CACNA1B: variants seen among roughly 807,000 people sequenced by gnomAD.
The protein encoded by CACNA1B is calcium voltage-gated channel subunit alpha1 B.
A neutral mutation model predicts 247.2 loss-of-function variants in CACNA1B; 70 were observed. The observed-to-expected ratio is 0.28, with a 90% CI of 0.23 to 0.35. The LOEUF (loss-of-function observed/expected upper bound fraction) is 0.35, where lower values mean the gene tolerates loss of function less well. Ranked by LOEUF, CACNA1B falls within the 10% of genes least tolerant of loss-of-function variation. The pLI, the probability that CACNA1B is intolerant of heterozygous loss-of-function variation, is 1.00. For missense variants in CACNA1B, 2,367 were observed against 3,197.4 expected (o/e 0.74, Z 6.26); for synonymous variants, 1,231 against 1,294.4 (o/e 0.95, Z 1.05).
intron 37 of CACNA1B, among the ~76,000 whole-genome samples, chr9:138,101,777 TC>T (rs1271663664): frequency 6.6e-6 from 1 of 152,208 alleles, no homozygotes; most frequent in Non-Finnish European, 1.5e-5. Context: ...CCAGGGCAGA[TC>T]CATCTGCCAG....
Position 137,986,303 on chromosome 9 carries a change from G to T in CACNA1B, c.1770-110G>T, listed in dbSNP as rs1958360805. 7 of 1,208,056 alleles carry T rather than the reference G, an allele frequency of 5.8e-6. No individual in the cohort carries two copies. Among genetic ancestry groups the T allele is most frequent in the Non-Finnish European group, 8.2e-6 (7 of 857,094 alleles). The allele number at this position is 1,208,056 out of a possible 1,614,324, so 74.8% of individuals were successfully genotyped here. A position where few individuals can be genotyped will look rare whatever the true frequency, so the allele number is the denominator to read the frequency against. On this transcript the variant is annotated intron_variant, in intron 13 of 46. Transcript: ENST00000371372. The surrounding 1 kb of genome is among the most constrained non-coding windows in gnomAD (Gnocchi z 6.0). ...AAGCTCTAACTTCACACCTAGGTGT[G>T]CAGCCCTCAGGGTTTAGAAAGTCAG...
intron 6 of CACNA1B, among the ~76,000 whole-genome samples, chr9:137,940,644 T>A (rs984120277): frequency 6.6e-6 from 1 of 152,204 alleles, no homozygotes; most frequent in Non-Finnish European, 1.5e-5. Context: ...ATATCCCTGA[T>A]GAACATAGAT....
intron 3 of CACNA1B, among the ~76,000 whole-genome samples, chr9:137,884,967 C>CCG (rs1554919687): frequency 1.2e-5 from 1 of 84,792 alleles, no homozygotes; most frequent in Non-Finnish European, 2.7e-5. Flanking sequence ...TCCCCCCCCC[C>CCG]CTCCTCCCAC....
chr9:138,068,464 A>G (rs1960006496), intron 31 of CACNA1B: 1 of 331,540 alleles, frequency 3.0e-6, no homozygotes. Context: ...AAAATCAGAA[A>G]AGTTGAGTCC....
intron 23 of CACNA1B, among the ~76,000 whole-genome samples, chr9:138,048,362 T>G (rs1263741894): frequency 6.6e-6 from 1 of 152,148 alleles, no homozygotes; most frequent in East Asian, 1.9e-4. Flanking sequence ...GGGCCATGTG[T>G]ACCTACAGCC....
intron 15 of CACNA1B, among the ~76,000 whole-genome samples, chr9:137,995,860 A>G (rs568680853): frequency 6.6e-6 from 1 of 152,366 alleles, no homozygotes; most frequent in East Asian, 1.9e-4. Flanking sequence ...AAAGAGGGCT[A>G]AGGACATGAA....
At chr9:137,898,630 C>T (rs899472484) in intron 3 of CACNA1B, among the ~76,000 whole-genome samples, 11 of 151,936 alleles carry the variant, frequency 7.2e-5, no homozygotes, top group East Asian at 5.8e-4. Context: ...CTCAGCCTCC[C>T]GAGTAGCTGG....
At position 137,891,699 on chromosome 9, in the gene CACNA1B, C is replaced by T. The variant is rs562201529; in HGVS notation, c.530+8816C>T. 18 of 251,130 alleles carry T rather than the reference C, an allele frequency of 7.2e-5. No homozygotes were observed. Among genetic ancestry groups the T allele is most frequent in the East Asian group, 7.0e-4 (6 of 8,528 alleles). The allele number at this position is 251,130 out of a possible 1,614,324, so 15.6% of individuals were successfully genotyped here. ...GTGAGGATGGTTGCTAATGGCTTCT[C>T]GGGCCCTGGACTAGAAGAGGTGAGA... On this transcript the variant is annotated intron_variant, in intron 3 of 46. Coordinates refer to ENST00000371372, the MANE Select transcript of CACNA1B (RefSeq NM_000718.4). The surrounding 1 kb of genome is among the most constrained non-coding windows in gnomAD (Gnocchi z 4.3).
Position 138,067,767 on chromosome 9 carries a change from T to G in CACNA1B, c.4669-1991T>G, listed in dbSNP as rs184892901. Among the ~76,000 whole-genome samples, 3 of 152,298 alleles carry G rather than the reference T, an allele frequency of 2.0e-5. No homozygotes were observed. In the East Asian group the frequency reaches 5.8e-4, roughly 29 times the overall value. ...CAGCCAGCACAGCATCTGGGAGGGCTCAGCAGCCCCTCGAAAGTTGGACAT... is the reference window on the plus strand; with the variant it reads ...CAGCCAGCACAGCATCTGGGAGGGCGCAGCAGCCCCTCGAAAGTTGGACAT... On this transcript the variant is annotated intron_variant, in intron 31 of 46. Transcript: ENST00000371372.
chr9:137,936,295 T>C (rs954084831), intron 6 of CACNA1B, among the ~76,000 whole-genome samples: 1 of 152,238 alleles, frequency 6.6e-6, no homozygotes, highest in African/African-American at 2.4e-5. Flanking sequence ...GGTCTTCTTT[T>C]GAAAAGTATC....
intron 6 of CACNA1B, among the ~76,000 whole-genome samples, chr9:137,931,509 G>A (rs1432386576): frequency 6.6e-6 from 1 of 152,128 alleles, no homozygotes; most frequent in African/African-American, 2.4e-5. Flanking sequence ...TAGGAAGTCA[G>A]CACAAATCGG....
rs1961182371 is a variant in CACNA1B at position 138,099,569 on chromosome 9, CGTATGTGCCT to C, written c.5222+2961_5222+2970del. ...CCTTTGTGTGTGTGCCACCGTGGTG[CGTATGTGCCT>C]GTGTGTGCCTGTGGGTGTGCACGTG... On this transcript the variant is annotated intron_variant, in intron 37 of 46. Transcript: ENST00000371372. Among the ~76,000 whole-genome samples, 4 of 145,686 alleles carry C rather than the reference CGTATGTGCCT, an allele frequency of 2.7e-5. No individual in the cohort carries two copies. The South Asian group carries it at 8.7e-4, about 32-fold the overall frequency.
intron 12 of CACNA1B, among the ~76,000 whole-genome samples, chr9:137,978,219 C>T (rs1381421482): frequency 8.4e-6 from 1 of 118,888 alleles, no homozygotes; most frequent in East Asian, 2.8e-4. Flanking sequence ...GCAACGGGAT[C>T]ACTACTCCCC....
At chr9:137,892,120 T>C (rs1336351550) in intron 3 of CACNA1B, 1 of 456,786 alleles carries the variant, frequency 2.2e-6, no homozygotes, top group Non-Finnish European at 4.4e-6. Flanking sequence ...CCCTGCTGGC[T>C]CACCACAAAG....
In CACNA1B at chr9:137,952,017, C is replaced by T. The variant is rs1957883075; in HGVS notation, c.967-257C>T. Among the ~76,000 whole-genome samples, 1 of 152,142 alleles carries T rather than the reference C, an allele frequency of 6.6e-6. No individual in the cohort carries two copies. Among genetic ancestry groups the T allele is most frequent in the African/African-American group, 2.4e-5 (1 of 41,452 alleles). ...GCTTTTGAGTGTTGCCAGGCAGTGG[C>T]TGGCAGCACTGAGTGTCCCTGGTCC... On this transcript the variant is annotated intron_variant, in intron 6 of 46. Coordinates refer to ENST00000371372, the MANE Select transcript of CACNA1B (RefSeq NM_000718.4). This position sits in a 1 kb window ranked among gnomAD's most constrained non-coding sequence, Gnocchi z 4.8.
At chr9:137,989,223 A>G (rs1460918777) in intron 15 of CACNA1B, among the ~76,000 whole-genome samples, 1 of 152,226 alleles carries the variant, frequency 6.6e-6, no homozygotes, top group Non-Finnish European at 1.5e-5. Flanking sequence ...CCTAAGAACA[A>G]AGAAAAGACC....
intron 15 of CACNA1B, among the ~76,000 whole-genome samples, chr9:137,991,291 A>G (rs1445366290): frequency 1.3e-5 from 2 of 152,234 alleles, no homozygotes; most frequent in Admixed American, 6.5e-5. Context: ...AATGCACTGG[A>G]AAGTCTCAGC....
chr9:138,044,341 A>G (rs1959167388), intron 21 of CACNA1B, among the ~76,000 whole-genome samples: 1 of 152,234 alleles, frequency 6.6e-6, no homozygotes, highest in Non-Finnish European at 1.5e-5. Context: ...CAGGGCTTCC[A>G]TTAGTCCAGC....
intron 10 of CACNA1B, among the ~76,000 whole-genome samples, chr9:137,963,643 T>C (rs923042984): frequency 7.9e-5 from 12 of 152,204 alleles, no homozygotes; most frequent in Non-Finnish European, 1.6e-4. Flanking sequence ...ATGATCTGCC[T>C]GCCTCGGCCT....
Sources: allele counts gnomAD v4.1 joint callset (sites outside exome capture counted in the v4.1 genomes callset), GRCh38; gene constraint gnomAD v4.1.1; non-coding constraint Gnocchi (gnomAD v3.1); transcripts MANE v1.5; gene names NCBI Gene and HGNC (gene_info 2026-07-23, HGNC 2026-07-21).